COL4A3: variants seen among roughly 807,000 people sequenced by gnomAD.
COL4A3 encodes the protein collagen type IV alpha 3 chain.
Under a neutral mutation model 217.4 loss-of-function variants are expected in COL4A3, and 135 were observed. The ratio of observed to expected loss-of-function variants is 0.62; its 90% CI spans 0.54 to 0.72. COL4A3 has a LOEUF of 0.72. Ranked by LOEUF, COL4A3 falls within the 30% of genes least tolerant of loss-of-function variation. COL4A3 has a pLI of 0.00. For missense variants in COL4A3, 1,868 were observed against 2,119.9 expected (o/e 0.88, Z 2.33); for synonymous variants, 690 against 736.3 (o/e 0.94, Z 1.02).
At chr2:227,240,035 A>G (rs1574657902) in intron 2 of COL4A3, 108 bp from the exon 3 acceptor site, 2 of 1,016,010 alleles carry the variant, frequency 2.0e-6, no homozygotes, top group East Asian at 5.2e-5. Flanking sequence ...AAAAACATGC[A>G]AAGAGTCACC....
At chr2:227,311,227 C>G (rs2073727249) in intron 51 of COL4A3, among the ~76,000 whole-genome samples, 1 of 152,032 alleles carries the variant, frequency 6.6e-6, no homozygotes, top group South Asian at 2.1e-4. Context: ...TTTTTATTAC[C>G]AAAAAGATGA....
At chr2:227,266,770 A>G (rs1355206676) in intron 22 of COL4A3, among the ~76,000 whole-genome samples, 1 of 152,190 alleles carries the variant, frequency 6.6e-6, no homozygotes, top group Non-Finnish European at 1.5e-5. Context: ...TTTATGTTAG[A>G]CTTTTGGAAT....
intron 9 of COL4A3, among the ~76,000 whole-genome samples, chr2:227,248,925 A>G (rs935711690): frequency 1.3e-5 from 2 of 152,010 alleles, no homozygotes; most frequent in Admixed American, 1.3e-4. Flanking sequence ...TAAAATTTGC[A>G]TAATGATAAA....
At chr2:227,243,698 C>A (rs2069155551) in intron 3 of COL4A3, among the ~76,000 whole-genome samples, 1 of 152,254 alleles carries the variant, frequency 6.6e-6, no homozygotes, top group Admixed American at 6.5e-5. Flanking sequence ...CGTGGCCTAG[C>A]TGAAACAGTC....
rs75168303 is a variant in COL4A3 at position 227,296,853 on chromosome 2, C to T, written c.3566-821C>T. On this transcript the variant is annotated intron_variant, in intron 41 of 51. Transcript: ENST00000396578. ...AAGCCCTCCCCTGAGCTATTAGCCT[C>T]CCTCTCCTTCTCCCTCTCCTTCTGC... Among the ~76,000 whole-genome samples the T allele has an allele frequency of 9.3e-3, 1,415 of 152,290 alleles. 14 individuals are homozygous for T. The highest frequency in any genetic ancestry group is 0.033 in the African/African-American group (1,358 of 41,558).
intron 43 of COL4A3, among the ~76,000 whole-genome samples, chr2:227,302,612 G>A (rs1037135234): frequency 2.1e-5 from 3 of 140,620 alleles, no homozygotes; most frequent in African/African-American, 8.1e-5. Flanking sequence ...GGGAAGCAGA[G>A]GTTGCAGCAA....
At chr2:227,249,230 ATTTTT>A (rs1247683938) in intron 9 of COL4A3, among the ~76,000 whole-genome samples, 2 of 14,692 alleles carry the variant, frequency 1.4e-4, no homozygotes, top group East Asian at 2.7e-3. Context: ...ATATATATAT[ATTTTT>A]TTTTTTTTTT....
At chr2:227,249,410 A>G (rs181682244) in intron 9 of COL4A3, among the ~76,000 whole-genome samples, 52 of 149,064 alleles carry the variant, frequency 3.5e-4, no homozygotes, top group African/African-American at 1.2e-3. Flanking sequence ...TAATTTTTGT[A>G]TTTTTAGTAG....
intron 24 of COL4A3, 89 bp downstream of exon 24, chr2:227,270,069 GCCTTGCAAACA>G (rs2071149405): frequency 2.3e-5 from 26 of 1,114,096 alleles, no homozygotes; most frequent in South Asian, 5.3e-5. Context: ...CCAGTTTGGT[GCCTTGCAAACA>G]GTAGGCACTT....
intron 1 of COL4A3, among the ~76,000 whole-genome samples, chr2:227,229,919 T>C (rs10221934): frequency 0.32 from 48,529 of 151,272 alleles, 8,210 homozygotes; most frequent in Non-Finnish European, 0.36. Context: ...GGCGTGGTGG[T>C]GGGCGCCTAT....
chr2:227,191,954 C>T lies in COL4A3; in HGVS notation c.87+27141C>T, dbSNP rs6436661. Among the ~76,000 whole-genome samples, 130,884 of 152,180 alleles carry T rather than the reference C, an allele frequency of 0.86. 56,398 individuals are homozygous for T. Among genetic ancestry groups the T allele is most frequent in the South Asian group, 0.9 (4,363 of 4,824 alleles). Reference sequence around the variant, plus strand: ...AATTGTGGAAAGGGAAAAAAATTATCGAAGGAAAGTCATATTTCCTTAAAT... The same window carrying T: ...AATTGTGGAAAGGGAAAAAAATTATTGAAGGAAAGTCATATTTCCTTAAAT... On this transcript the variant is annotated intron_variant, in intron 1 of 51. Transcript: ENST00000396578. This position sits in a 1 kb window ranked among gnomAD's most constrained non-coding sequence, Gnocchi z 6.8.
intron 27 of COL4A3, 130 bp downstream of exon 27, chr2:227,276,607 G>A: frequency 2.7e-6 from 2 of 740,828 alleles, no homozygotes; most frequent in East Asian, 2.7e-5. Flanking sequence ...GCACAGGGCA[G>A]TGTCTTACCT....
At chr2:227,196,503 G>C (rs1416598023) in intron 1 of COL4A3, among the ~76,000 whole-genome samples, 1 of 151,528 alleles carries the variant, frequency 6.6e-6, no homozygotes, top group Non-Finnish European at 1.5e-5. Flanking sequence ...ATTTTTAGTA[G>C]AGACAGGGTT....
intron 3 of COL4A3, among the ~76,000 whole-genome samples, chr2:227,243,559 A>C (rs2125902214): frequency 6.6e-6 from 1 of 152,348 alleles, no homozygotes; most frequent in African/African-American, 2.4e-5. Flanking sequence ...TTTGGCCTTG[A>C]CAGTGCAATC....
At chr2:227,206,707 G>T (rs1210300384) in intron 1 of COL4A3, among the ~76,000 whole-genome samples, 1 of 152,170 alleles carries the variant, frequency 6.6e-6, no homozygotes, top group African/African-American at 2.4e-5. Flanking sequence ...AGACTCACAG[G>T]TGATTTGTAT....
intron 43 of COL4A3, among the ~76,000 whole-genome samples, chr2:227,302,462 A>G (rs1191132496): frequency 6.6e-6 from 1 of 152,092 alleles, no homozygotes; most frequent in East Asian, 1.9e-4. Flanking sequence ...AGATCATTTG[A>G]GGTCAGGAGG....
chr2:227,181,804 A>G (rs549284414), intron 1 of COL4A3, among the ~76,000 whole-genome samples: 26 of 152,292 alleles, frequency 1.7e-4, no homozygotes, highest in African/African-American at 5.8e-4. Flanking sequence ...TTTTGCCTAC[A>G]TATCTGATTT....
In COL4A3 at chr2:227,259,795, A is replaced by G. The variant is rs1574717037; in HGVS notation, c.1032A>G (p.Thr344=). The G allele has an allele frequency of 6.2e-7, 1 of 1,609,154 alleles. No homozygotes were observed. Among genetic ancestry groups the G allele is most frequent in the Middle Eastern group, 1.7e-4 (1 of 6,056 alleles). ...TATTTGTTTCTTTCTCCTCTAAGAC[A>G]GAATATTATGACACATACCAGGAAA... ...DIGPPGFRGP[T]EYYDTYQEKG... is the part of the protein sequence containing the mutation. The change falls in exon 19 of 52, where the codon ACA becomes ACG. Residue 344 remains threonine (T), a splice_region_variant and synonymous_variant. Transcript: ENST00000396578.
rs2071144406 is a variant in COL4A3, at chr2:227,269,989, T to C, written c.1575+9T>C. ...GTCTTCCAGGATTTCCAGTAAGATT[T>C]CATGTTTTTAAATCTTTAGCTTCAA... On this transcript the variant is annotated intron_variant, in intron 24 of 51. Transcript: ENST00000396578. The C allele has an allele frequency of 1.9e-6, 3 of 1,611,694 alleles. No individual in the cohort carries two copies. The highest frequency in any genetic ancestry group is 1.7e-6 in the Non-Finnish European group (2 of 1,178,264).
Sources: gnomAD v4.1 joint callset for allele counts (sites outside exome capture counted in the v4.1 genomes callset) on GRCh38, gnomAD v4.1.1 for gene constraint, Gnocchi (gnomAD v3.1) non-coding constraint, MANE v1.5 for transcripts, NCBI Gene and HGNC (gene_info 2026-07-23, HGNC 2026-07-21) for gene names.